The following CALN1 variants were observed in gnomAD, a reference collection of about 807,000 sequenced individuals.
The protein encoded by CALN1 is calneuron 1.
CALN1 carries 17 observed loss-of-function variants against 30.6 expected under a neutral mutation model. That is an observed-to-expected ratio of 0.56 (90% CI 0.38 to 0.83). The LOEUF (loss-of-function observed/expected upper bound fraction) is 0.83. Among genes scored for constraint, CALN1 ranks in the 40% least tolerant of loss-of-function variants. CALN1 has a pLI of 0.00. For synonymous variants in CALN1, 156 were observed against 131.4 expected (o/e 1.19, Z -1.28); for missense variants, 291 against 354.9 (o/e 0.82, Z 1.45).
intron 5 of CALN1, among the ~76,000 whole-genome samples, chr7:71,979,188 C>G (rs1798259528): frequency 6.6e-6 from 1 of 152,132 alleles, no homozygotes; most frequent in Admixed American, 6.6e-5. Flanking sequence ...GCACCAGGGA[C>G]TGGTTTCATG....
At position 71,808,187 on chromosome 7, in the gene CALN1, TATG is replaced by T. The variant is rs917420512; in HGVS notation, c.658+2146_658+2148del. 1.5e-3 allele frequency among the ~76,000 whole-genome samples: 221 copies of T among 152,072 alleles called. 1 individual carries two copies. Among genetic ancestry groups the T allele is most frequent in the African/African-American group, 5.2e-3 (214 of 41,490 alleles). ...CATAATTATTACCATAATTATTAATTATGATATTTATTAAATGTTATGGTGATA... is the reference window on the plus strand; with the variant it reads ...CATAATTATTACCATAATTATTAATTATATTTATTAAATGTTATGGTGATA... On this transcript the variant is annotated intron_variant, in intron 6 of 6. Transcript: ENST00000395275.
intron 4 of CALN1, among the ~76,000 whole-genome samples, chr7:72,089,756 A>G: frequency 6.6e-6 from 1 of 152,242 alleles, no homozygotes; most frequent in Non-Finnish European, 1.5e-5. Flanking sequence ...ATGAGGACAG[A>G]GCATTGAAAA....
At chr7:72,121,449 T>G (rs1351257348) in intron 3 of CALN1, among the ~76,000 whole-genome samples, 1 of 146,954 alleles carries the variant, frequency 6.8e-6, no homozygotes, top group African/African-American at 2.5e-5. Flanking sequence ...TAATTATATA[T>G]AGTATAGATA....
chr7:71,825,339 G>A (rs56854782), intron 5 of CALN1, among the ~76,000 whole-genome samples: 54,102 of 151,972 alleles, frequency 0.36, 10,873 homozygotes, highest in South Asian at 0.54. Context: ...TACTGTTCTC[G>A]TGGTAGTGAA....
chr7:72,330,354 G>A (rs980026318), intron 2 of CALN1, among the ~76,000 whole-genome samples: 28 of 151,486 alleles, frequency 1.8e-4, no homozygotes, highest in Admixed American at 1.7e-3. Context: ...TGTAATCCCA[G>A]CTTCCCGGAA....
chr7:72,327,948 C>G (rs1220222653), intron 2 of CALN1, among the ~76,000 whole-genome samples: 1 of 152,058 alleles, frequency 6.6e-6, no homozygotes, highest in Non-Finnish European at 1.5e-5. Flanking sequence ...TAACTTCTTA[C>G]AGCAATACCT....
chr7:72,481,302 G>A, the CALN1 span, among the ~76,000 whole-genome samples: 1 of 152,166 alleles, frequency 6.6e-6, no homozygotes, highest in East Asian at 1.9e-4. Context: ...TGGCCAGGCT[G>A]GCCTGGAACT....
chr7:72,349,570 T>G (rs1000406809), intron 2 of CALN1, among the ~76,000 whole-genome samples: 1 of 152,160 alleles, frequency 6.6e-6, no homozygotes, highest in Admixed American at 6.6e-5. Flanking sequence ...ACTAACTTCT[T>G]TTAAGGAACA....
the CALN1 span, among the ~76,000 whole-genome samples, chr7:72,479,752 T>C: frequency 6.6e-6 from 1 of 152,138 alleles, no homozygotes; most frequent in Admixed American, 6.5e-5. Flanking sequence ...GGTTTCGTCA[T>C]GTTGGCCAGG....
chr7:72,404,339 T>C (rs1057213032), intron 1 of CALN1, among the ~76,000 whole-genome samples: 1 of 152,188 alleles, frequency 6.6e-6, no homozygotes, highest in Non-Finnish European at 1.5e-5. Context: ...TTAAAATAAT[T>C]GGTGCTCAAT....
intron 5 of CALN1, among the ~76,000 whole-genome samples, chr7:71,869,281 G>A: frequency 6.6e-6 from 1 of 151,944 alleles, no homozygotes; most frequent in African/African-American, 2.4e-5. Context: ...CACGATATTG[G>A]CTCACTGCAA....
intron 4 of CALN1, among the ~76,000 whole-genome samples, chr7:72,037,560 A>T (rs576630720): frequency 3.9e-5 from 6 of 152,328 alleles, no homozygotes; most frequent in African/African-American, 1.4e-4. Flanking sequence ...AGCCAGATGA[A>T]CTCATCAAGG....
chr7:71,965,926 G>C (rs1025415468), intron 5 of CALN1, among the ~76,000 whole-genome samples: 4 of 151,956 alleles, frequency 2.6e-5, no homozygotes, highest in African/African-American at 9.7e-5. Context: ...GTGCTTCTTA[G>C]AGCTTTTCAC....
At chr7:72,429,259 C>G (rs1318017429) in intron 1 of CALN1, among the ~76,000 whole-genome samples, 3 of 152,094 alleles carry the variant, frequency 2.0e-5, no homozygotes, top group African/African-American at 4.8e-5. Flanking sequence ...AAAATATTAC[C>G]TAAGTTTTCA....
chr7:72,115,094 C>T (rs1807873620), intron 3 of CALN1, among the ~76,000 whole-genome samples: 1 of 146,388 alleles, frequency 6.8e-6, no homozygotes, highest in African/African-American at 2.5e-5. Context: ...GGACATTATA[C>T]TATATATATA....
chr7:72,141,076 G>C (rs1809897718), intron 3 of CALN1, among the ~76,000 whole-genome samples: 1 of 152,224 alleles, frequency 6.6e-6, no homozygotes, highest in Non-Finnish European at 1.5e-5. Context: ...CTCAACCCAA[G>C]GCCAAGGTCA....
chr7:71,993,498 C>A (rs1393316141), intron 5 of CALN1, among the ~76,000 whole-genome samples: 4 of 151,214 alleles, frequency 2.6e-5, no homozygotes, highest in Admixed American at 2.6e-4. Context: ...ACTCTGTCAC[C>A]CAGGCTGGAG....
At chr7:72,208,398 A>C (rs924725128) in intron 3 of CALN1, among the ~76,000 whole-genome samples, 8 of 152,256 alleles carry the variant, frequency 5.3e-5, no homozygotes, top group African/African-American at 1.4e-4. Flanking sequence ...AGCTCTAAAT[A>C]GAGCAGAATG....
chr7:71,858,438 G>A (rs1791079342), intron 5 of CALN1, among the ~76,000 whole-genome samples: 1 of 151,968 alleles, frequency 6.6e-6, no homozygotes, highest in African/African-American at 2.4e-5. Context: ...GAGTTGAGCT[G>A]GGAACTATGT....
Sources: allele counts gnomAD v4.1 joint callset (sites outside exome capture counted in the v4.1 genomes callset), GRCh38; gene constraint gnomAD v4.1.1; transcripts MANE v1.5; gene names NCBI Gene and HGNC (gene_info 2026-07-23, HGNC 2026-07-21).